The following NFIA variants were observed in gnomAD, a reference collection of about 807,000 sequenced individuals.
The protein encoded by NFIA is nuclear factor I A.
A neutral mutation model predicts 62.8 loss-of-function variants in NFIA; 8 were observed. That is an observed-to-expected ratio of 0.13 (90% CI 0.07 to 0.23). NFIA has a LOEUF of 0.23. Ranked by LOEUF, NFIA falls within the 10% of genes least tolerant of loss-of-function variation. The pLI is 1.00. For synonymous variants in NFIA, 235 were observed against 238.1 expected (o/e 0.99, Z 0.12); for missense variants, 410 against 642.1 (o/e 0.64, Z 3.91).
intron 2 of NFIA, among the ~76,000 whole-genome samples, chr1:61,102,352 C>A (rs1019827324): frequency 1.3e-5 from 2 of 152,140 alleles, no homozygotes; most frequent in African/African-American, 4.8e-5. Context: ...AATAAGCCAT[C>A]TGTATACAAA....
intron 2 of NFIA, among the ~76,000 whole-genome samples, chr1:61,126,742 T>G (rs942681742): frequency 1.3e-5 from 2 of 151,370 alleles, no homozygotes; most frequent in African/African-American, 4.9e-5. Context: ...ATGTGAATTT[T>G]TCTGGAAAAA....
At chr1:61,237,488 CTG>C (rs1655078204) in intron 2 of NFIA, among the ~76,000 whole-genome samples, 4 of 152,160 alleles carry the variant, frequency 2.6e-5, no homozygotes. Context: ...TATATTAAAA[CTG>C]AAATTCAGAA....
upstream of NFIA, chr1:61,077,297 A>G (rs528411413): frequency 9.3e-4 from 268 of 288,248 alleles, 2 homozygotes; most frequent in African/African-American, 5.5e-3. Context: ...CACGCAAGGC[A>G]AAACCAGAGC....
intron 10 of NFIA, among the ~76,000 whole-genome samples, chr1:61,434,126 G>T (rs988977880): frequency 1.3e-5 from 2 of 152,152 alleles, no homozygotes; most frequent in African/African-American, 2.4e-5. Context: ...ACGCTAAATT[G>T]TGCCTGAGAA....
At chr1:61,118,847 C>T (rs1404912220) in intron 2 of NFIA, among the ~76,000 whole-genome samples, 1 of 151,958 alleles carries the variant, frequency 6.6e-6, no homozygotes, top group African/African-American at 2.4e-5. Flanking sequence ...GAATCCAGGT[C>T]CATTTGGCTT....
intron 2 of NFIA, among the ~76,000 whole-genome samples, chr1:61,138,139 A>G (rs1361358841): frequency 6.6e-6 from 1 of 152,056 alleles, no homozygotes; most frequent in African/African-American, 2.4e-5. Context: ...TCTGTCACCC[A>G]TGCTGGAGTA....
chr1:61,149,284 G>T (rs1648235017), intron 2 of NFIA, among the ~76,000 whole-genome samples: 1 of 152,094 alleles, frequency 6.6e-6, no homozygotes, highest in African/African-American at 2.4e-5. Flanking sequence ...AAAAATAAAT[G>T]AACCAAGTTT....
chr1:61,393,621 T>A (rs886783832), intron 7 of NFIA, among the ~76,000 whole-genome samples: 19 of 152,120 alleles, frequency 1.2e-4, no homozygotes, highest in African/African-American at 4.3e-4. Context: ...CCGGCTTCCC[T>A]GTCCACCCAT....
chr1:61,274,520 A>G (rs1391097875), intron 2 of NFIA, among the ~76,000 whole-genome samples: 2 of 152,170 alleles, frequency 1.3e-5, no homozygotes, highest in African/African-American at 4.8e-5. Flanking sequence ...CTGGTATGGG[A>G]GACTCAGATA....
At chr1:61,312,990 G>A (rs373517898) in intron 3 of NFIA, among the ~76,000 whole-genome samples, 16 of 152,046 alleles carry the variant, frequency 1.1e-4, no homozygotes, top group South Asian at 8.3e-4. Flanking sequence ...ATTTGGTGTC[G>A]CTTTATCCTT....
At chr1:61,417,162 T>C (rs1454365030) in intron 9 of NFIA, among the ~76,000 whole-genome samples, 1 of 151,840 alleles carries the variant, frequency 6.6e-6, no homozygotes, top group African/African-American at 2.4e-5. Context: ...ATAAAGATAA[T>C]ATATGGCATT....
chr1:61,361,782 GGTGTGTGTGT>G (rs61410878), intron 6 of NFIA, among the ~76,000 whole-genome samples: 5,828 of 142,200 alleles, frequency 0.041, 211 homozygotes, highest in African/African-American at 0.092. Flanking sequence ...TTTGGTAAGA[GGTGTGTGTGT>G]GTGTGTGTGT....
chr1:61,112,885 G>C (rs771709961), intron 2 of NFIA, among the ~76,000 whole-genome samples: 2 of 152,050 alleles, frequency 1.3e-5, no homozygotes, highest in Non-Finnish European at 2.9e-5. Context: ...GACATACAAT[G>C]TCATCTGCAG....
chr1:61,130,378 T>C (rs1012567313), intron 2 of NFIA, among the ~76,000 whole-genome samples: 1 of 152,188 alleles, frequency 6.6e-6, no homozygotes. Flanking sequence ...CACATTGCCC[T>C]GTAACTTTCA....
intron 2 of NFIA, among the ~76,000 whole-genome samples, chr1:61,109,729 T>C (rs2100451013): frequency 6.6e-6 from 1 of 152,118 alleles, no homozygotes; most frequent in South Asian, 2.1e-4. Context: ...AATACCTTTT[T>C]ACCATTTTCA....
intron 2 of NFIA, among the ~76,000 whole-genome samples, chr1:61,157,179 GT>G (rs987273728): frequency 1.3e-5 from 2 of 152,086 alleles, no homozygotes; most frequent in Admixed American, 1.3e-4. Flanking sequence ...TTGGCTTTTT[GT>G]TTTTTTGTTT....
At chr1:61,259,761 T>A (rs1032474878) in intron 2 of NFIA, among the ~76,000 whole-genome samples, 9 of 152,106 alleles carry the variant, frequency 5.9e-5, no homozygotes, top group East Asian at 1.9e-4. Flanking sequence ...AAGCCAATTT[T>A]TGGGACAGTT....
At chr1:61,101,525 G>A (rs1271028323) in intron 2 of NFIA, among the ~76,000 whole-genome samples, 5 of 151,920 alleles carry the variant, frequency 3.3e-5, no homozygotes, top group African/African-American at 1.2e-4. Context: ...AAAACAAATA[G>A]CGTTATAGGA....
In NFIA at chr1:61,429,035, G is replaced by T. The variant is rs1666989807; in HGVS notation, c.1512+2479G>T. Among the ~76,000 whole-genome samples, 2 of 152,268 alleles carry T rather than the reference G, an allele frequency of 1.3e-5. 1 individual carries two copies. The highest frequency in any genetic ancestry group is 4.1e-4 in the South Asian group (2 of 4,826). On this transcript the variant is annotated intron_variant, in intron 10 of 10. Transcript: ENST00000403491. The stretch of plus-strand genomic sequence containing the variant: ...ATGGGCTTTCTGCTCCCAAAGGCCA[G>T]TGTCCAGTGGAAATCTCTTAAAATG...
Sources: gnomAD v4.1 joint callset for allele counts (sites outside exome capture counted in the v4.1 genomes callset) on GRCh38, gnomAD v4.1.1 for gene constraint, MANE v1.5 for transcripts, NCBI Gene and HGNC (gene_info 2026-07-23, HGNC 2026-07-21) for gene names.